Variants in LEPR observed in about 807,000 individuals in gnomAD.
The protein encoded by LEPR is leptin receptor, also known as OB receptor.
Under a neutral mutation model 114.7 loss-of-function variants are expected in LEPR, and 56 were observed. That is an observed-to-expected ratio of 0.49 (90% CI 0.39 to 0.61). The LOEUF is 0.61. Among genes scored for constraint, LEPR ranks in the 20% least tolerant of loss-of-function variants. LEPR has a pLI of 0.00. For missense variants in LEPR, 1,202 were observed against 1,352.9 expected (o/e 0.89, Z 1.75); for synonymous variants, 443 against 461.4 (o/e 0.96, Z 0.51).
intron 2 of LEPR, among the ~76,000 whole-genome samples, chr1:65,427,438 C>G (rs1263631739): frequency 6.6e-6 from 1 of 152,044 alleles, no homozygotes; most frequent in East Asian, 1.9e-4. Flanking sequence ...AGGCATGGTG[C>G]CTGTAGCAGG....
intron 2 of LEPR, among the ~76,000 whole-genome samples, chr1:65,517,515 C>T (rs965772283): frequency 2.0e-5 from 3 of 152,174 alleles, no homozygotes; most frequent in African/African-American, 7.2e-5. Context: ...GCAATCACCA[C>T]CTTTGGAGGG....
chr1:65,494,801 A>C (rs1648068099), intron 2 of LEPR, among the ~76,000 whole-genome samples: 1 of 152,132 alleles, frequency 6.6e-6, no homozygotes, highest in Non-Finnish European at 1.5e-5. Context: ...TTCTGGAAAT[A>C]TCACAACCCT....
In LEPR at chr1:65,481,861, T is replaced by C. The variant is rs182841082; in HGVS notation, c.-21+56483T>C. ...CACCCCAGAAGAAAAGTTAAAACCC[T>C]AAACAAAAACAAGAAAAAGAAGAGT... On this transcript the variant is annotated intron_variant, in intron 2 of 19. Coordinates refer to ENST00000349533, the MANE Select transcript of LEPR (RefSeq NM_002303.6). Among the ~76,000 whole-genome samples the C allele has an allele frequency of 1.8e-3, 265 of 148,032 alleles. 11 individuals are homozygous for C. The highest frequency in any genetic ancestry group is 4.3e-4 in the Non-Finnish European group (29 of 66,926).
rs367693557 is a variant in LEPR, at chr1:65,599,389, T to A, written c.994+585T>A. Among the ~76,000 whole-genome samples, 15 of 152,296 alleles carry A rather than the reference T, an allele frequency of 9.8e-5. 1 individual carries two copies. The East Asian group carries it at 1.9e-3, about 20-fold the overall frequency. On this transcript the variant is annotated intron_variant, in intron 8 of 19. Coordinates refer to ENST00000349533, the MANE Select transcript of LEPR (RefSeq NM_002303.6). ...AGTTGGGACTATAGAAAGACAATAG[T>A]CCTTTGGCTGGTTGTCCGATCTGTC...
At chr1:65,603,676 TAGG>T (rs1656609774) in intron 10 of LEPR, among the ~76,000 whole-genome samples, 1 of 150,934 alleles carries the variant, frequency 6.6e-6, no homozygotes, top group South Asian at 2.1e-4. Flanking sequence ...CTGAAAACAT[TAGG>T]AGATTTTTTT....
In LEPR at chr1:65,640,385, T is replaced by G. The variant is rs953817881; in HGVS notation, c.*3370T>G. ...CACTTTTCATCTTTCAAGGGTCATC[T>G]TGATAGTTACCTTAACAAACCTTTC... On this transcript the variant is annotated 3_prime_UTR_variant, in exon 20 of 20. Coordinates refer to ENST00000349533, the MANE Select transcript of LEPR (RefSeq NM_002303.6). 5.3e-5 allele frequency: 8 copies of G among 152,242 alleles called. No homozygotes were observed. Among genetic ancestry groups the G allele is most frequent in the African/African-American group, 1.9e-4 (8 of 41,462 alleles). 9.4% of individuals were successfully genotyped at this position (152,242 alleles called of 1,614,324 possible). A position where few individuals can be genotyped will look rare whatever the true frequency, so the allele number is the denominator to read the frequency against.
intron 3 of LEPR, among the ~76,000 whole-genome samples, chr1:65,566,859 C>T (rs1437346271): frequency 1.3e-5 from 2 of 152,150 alleles, no homozygotes; most frequent in Non-Finnish European, 1.5e-5. Flanking sequence ...CAGAAAATAA[C>T]CTAGATAGCT....
chr1:65,501,492 A>C (rs987171155), intron 2 of LEPR, among the ~76,000 whole-genome samples: 1 of 151,562 alleles, frequency 6.6e-6, no homozygotes, highest in Non-Finnish European at 1.5e-5. Context: ...GACACTGGTC[A>C]TATTGGATTA....
intron 2 of LEPR, among the ~76,000 whole-genome samples, chr1:65,485,524 A>G (rs937987251): frequency 2.6e-5 from 4 of 152,094 alleles, no homozygotes; most frequent in Non-Finnish European, 5.9e-5. Flanking sequence ...GAGCATCACC[A>G]TCACCTTTTA....
At chr1:65,436,438 G>T (rs551112372) in intron 2 of LEPR, among the ~76,000 whole-genome samples, 4 of 152,304 alleles carry the variant, frequency 2.6e-5, no homozygotes, top group African/African-American at 7.2e-5. Flanking sequence ...TTTACTAGTG[G>T]ATTTAGGCAG....
chr1:65,583,483 C>T (rs572338476), intron 5 of LEPR, among the ~76,000 whole-genome samples: 5 of 152,112 alleles, frequency 3.3e-5, no homozygotes, highest in East Asian at 1.9e-4. Flanking sequence ...AGTGACATTT[C>T]ATAGGAACTC....
rs1288606386 is a variant in LEPR, at chr1:65,636,198, C to T, written c.2681C>T (p.Thr894Met). The T allele has an allele frequency of 2.5e-6, 4 of 1,613,692 alleles. No individual in the cohort carries two copies. The highest frequency in any genetic ancestry group is 3.4e-6 in the Non-Finnish European group (4 of 1,179,768). Residue 894 changes from threonine to methionine, a missense_variant, in exon 20 of 20, where the codon ACG becomes ATG. Coordinates refer to ENST00000349533, the MANE Select transcript of LEPR (RefSeq NM_002303.6). ...ATGTGTCTTTTCTTTTAGCCAGAAACGTTTGAGCATCTTTTTATCAAGCAT... is the reference window on the plus strand; with the variant it reads ...ATGTGTCTTTTCTTTTAGCCAGAAATGTTTGAGCATCTTTTTATCAAGCAT... Reference protein sequence around the residue: ...AQGLNFQKPETFEHLFIKHTA... With the variant: ...AQGLNFQKPEMFEHLFIKHTA...
At chr1:65,434,019 T>C (rs1646523969) in intron 2 of LEPR, 1 of 985,382 alleles carries the variant, frequency 1.0e-6, no homozygotes, top group South Asian at 4.7e-5. Flanking sequence ...TCTACTACAT[T>C]TTGCAAAAGT....
At chr1:65,618,901 C>T (rs912629882) in intron 16 of LEPR, among the ~76,000 whole-genome samples, 2 of 152,134 alleles carry the variant, frequency 1.3e-5, no homozygotes, top group African/African-American at 4.8e-5. Flanking sequence ...TGTGTACCAA[C>T]TTATAATGCC....
At chr1:65,605,939 A>G (rs1656781236) in intron 11 of LEPR, among the ~76,000 whole-genome samples, 1 of 152,166 alleles carries the variant, frequency 6.6e-6, no homozygotes, top group Non-Finnish European at 1.5e-5. Flanking sequence ...TCAAGATAAG[A>G]TGTCTAAAAA....
intron 2 of LEPR, among the ~76,000 whole-genome samples, chr1:65,440,569 T>C (rs1459655566): frequency 6.6e-6 from 1 of 152,052 alleles, no homozygotes; most frequent in South Asian, 2.1e-4. Flanking sequence ...TTGAAGGAAG[T>C]AGAGGCAGTT....
chr1:65,637,205 C>A lies in LEPR; in HGVS notation c.*190C>A. 1.8e-6 allele frequency: 1 copy of A among 553,828 alleles called. No individual in the cohort carries two copies. The highest frequency in any genetic ancestry group is 3.1e-6 in the Non-Finnish European group (1 of 324,638). 34.3% of individuals were successfully genotyped at this position (553,828 alleles called of 1,614,324 possible). ...TTTGAGAAAGCCTTCATAAGCCTAC[C>A]AATGTAGACACGCTCTTCTATTTTA... On this transcript the variant is annotated 3_prime_UTR_variant, in exon 20 of 20. Coordinates refer to ENST00000349533, the MANE Select transcript of LEPR (RefSeq NM_002303.6).
intron 2 of LEPR, among the ~76,000 whole-genome samples, chr1:65,458,904 T>G (rs1330879880): frequency 6.6e-6 from 1 of 152,254 alleles, no homozygotes; most frequent in Non-Finnish European, 1.5e-5. Flanking sequence ...GCTTTGCAAT[T>G]TGGCAGTTTC....
intron 2 of LEPR, among the ~76,000 whole-genome samples, chr1:65,438,686 T>C (rs1280391577): frequency 1.3e-5 from 2 of 151,916 alleles, no homozygotes; most frequent in Non-Finnish European, 2.9e-5. Context: ...ATTAAGACAA[T>C]GTCAGGAAAA....
Sources: allele counts gnomAD v4.1 joint callset (sites outside exome capture counted in the v4.1 genomes callset), GRCh38; gene constraint gnomAD v4.1.1; transcripts MANE v1.5; gene names NCBI Gene and HGNC (gene_info 2026-07-23, HGNC 2026-07-21).